Variants in STARD10 observed in about 807,000 individuals in gnomAD.
STARD10 encodes the protein StAR related lipid transfer domain containing 10, also known as START domain-containing protein 10.
A neutral mutation model predicts 36.0 loss-of-function variants in STARD10; 24 were observed. That is an observed-to-expected ratio of 0.67 (90% CI 0.48 to 0.94). The LOEUF (loss-of-function observed/expected upper bound fraction) is 0.94, where lower values mean the gene tolerates loss of function less well. Among genes scored for constraint, STARD10 ranks in the 40% least tolerant of loss-of-function variants. STARD10 has a pLI of 0.00. For missense variants in STARD10, 335 were observed against 396.6 expected, an observed-to-expected ratio of 0.84 and a Z score of 1.32; for synonymous variants, 156 against 161.9, an observed-to-expected ratio of 0.96 and a Z score of 0.28.
intron 1 of STARD10, among the ~76,000 whole-genome samples, chr11:72,782,736 C>G (rs1482986886): frequency 3.3e-5 from 5 of 152,182 alleles, no homozygotes; most frequent in Admixed American, 2.6e-4. Context: ...GAGGCTCCCC[C>G]CTGCCCCCTG....
chr11:72,785,331 G>A (rs902036505), intron 1 of STARD10, among the ~76,000 whole-genome samples: 5 of 151,690 alleles, frequency 3.3e-5, no homozygotes, highest in Non-Finnish European at 5.9e-5. Flanking sequence ...TTGGGAGGCC[G>A]ATACGGGTGG....
intron 4 of STARD10, 79 bp downstream of exon 4, chr11:72,758,451 G>T: frequency 8.7e-7 from 1 of 1,156,004 alleles, no homozygotes; most frequent in Non-Finnish European, 1.3e-6. Context: ...AAGTCATATT[G>T]AAGTCATGGT....
In STARD10 at chr11:72,780,992, T is replaced by C; in HGVS notation, c.190A>G (p.Thr64Ala). 1 of 1,614,106 alleles carries C rather than the reference T, an allele frequency of 6.2e-7. No individual in the cohort carries two copies. The part of the protein sequence containing the change: ...VWVQAVEMDR[T>A]LHKIKCRMEC... ...AACCCTACCTTGATCTTGTGCAGCG[T>C]CCGATCCATCTCCACAGCCTGCACC... The change falls in exon 2 of 7, where the codon ACG becomes GCG. Residue 64 changes from threonine (T) to alanine (A), a missense_variant. Transcript: ENST00000334805.
chr11:72,790,398 T>C (rs1326465619), intron 1 of STARD10: 1 of 152,192 alleles, frequency 6.6e-6, no homozygotes, highest in East Asian at 1.9e-4. Context: ...CCTCTATAAA[T>C]AAGGAGTTTG....
intron 1 of STARD10, among the ~76,000 whole-genome samples, chr11:72,790,916 G>A (rs1460493014): frequency 6.6e-6 from 1 of 152,196 alleles, no homozygotes; most frequent in Non-Finnish European, 1.5e-5. Context: ...CAGACCTGGG[G>A]CTGCTGCTTC....
At chr11:72,758,196 T>C (rs1240022858) in intron 4 of STARD10, among the ~76,000 whole-genome samples, 1 of 152,210 alleles carries the variant, frequency 6.6e-6, no homozygotes, top group African/African-American at 2.4e-5. Flanking sequence ...CTGCCTGTCC[T>C]TGCCCAGGGA....
intron 1 of STARD10, among the ~76,000 whole-genome samples, chr11:72,788,206 G>A (rs1859098335): frequency 1.3e-5 from 2 of 152,194 alleles, no homozygotes; most frequent in South Asian, 4.1e-4. Context: ...TTCTCTCACT[G>A]GGCCTTATTT....
intron 2 of STARD10, 124 bp downstream of exon 2, chr11:72,780,851 G>A (rs1486046028): frequency 9.5e-7 from 1 of 1,047,736 alleles, no homozygotes; most frequent in African/African-American, 1.6e-5. Context: ...CCGGTCCCTG[G>A]AAGGAGACTC....
chr11:72,769,642 C>T (rs953518910), intron 2 of STARD10, among the ~76,000 whole-genome samples: 1 of 152,028 alleles, frequency 6.6e-6, no homozygotes, highest in Non-Finnish European at 1.5e-5. Context: ...CTGCACCCCA[C>T]CAAAAATGTA....
intron 2 of STARD10, among the ~76,000 whole-genome samples, chr11:72,771,391 C>T (rs1037101305): frequency 2.6e-5 from 4 of 152,110 alleles, no homozygotes; most frequent in African/African-American, 9.7e-5. Context: ...TGCAGGGTCT[C>T]CTTGCCCCAT....
intron 2 of STARD10, among the ~76,000 whole-genome samples, chr11:72,770,179 C>T (rs542312140): frequency 3.7e-4 from 56 of 152,254 alleles, no homozygotes; most frequent in African/African-American, 1.3e-3. Flanking sequence ...ATTACTGGTG[C>T]TACAGTATCA....
chr11:72,793,402 A>G lies in STARD10; in HGVS notation c.-641T>C, dbSNP rs1216617571. 1 of 152,270 alleles carries G rather than the reference A, an allele frequency of 6.6e-6. No individual in the cohort carries two copies. Among genetic ancestry groups the G allele is most frequent in the East Asian group, 1.9e-4 (1 of 5,200 alleles). 9.4% of individuals were successfully genotyped at this position (152,270 alleles called of 1,614,324 possible). A position where few individuals can be genotyped will look rare whatever the true frequency, so the allele number is the denominator to read the frequency against. ...AGAAAGCTCAGTTCCCTAAGGGAAC[A>G]AAATTACCCAAAGTCACACAGCAAG... On this transcript the variant is annotated 5_prime_UTR_variant, in exon 1 of 7. Coordinates refer to ENST00000334805, the MANE Select transcript of STARD10 (RefSeq NM_006645.3).
intron 2 of STARD10, among the ~76,000 whole-genome samples, chr11:72,760,358 A>G: frequency 6.6e-6 from 1 of 151,324 alleles, no homozygotes; most frequent in East Asian, 1.9e-4. Context: ...TCCTGAGTAG[A>G]TGGGATTACA....
chr11:72,754,966 G>A lies in STARD10; in HGVS notation c.807C>T (p.Ala269=). 1.9e-6 allele frequency: 3 copies of A among 1,609,974 alleles called. No homozygotes were observed. The highest frequency in any genetic ancestry group is 8.5e-7 in the Non-Finnish European group (1 of 1,179,330). The part of the protein sequence containing the change: ...SLENIDESAV[A]ESREERMGGA... Reference sequence around the variant, plus strand: ...CGCCCATCCGCTCCTCTCTGCTCTCGGCCACCGCGCTCTCGTCGATGTTCT... The same window carrying A: ...CGCCCATCCGCTCCTCTCTGCTCTCAGCCACCGCGCTCTCGTCGATGTTCT... The change falls in exon 7 of 7, where the codon GCC becomes GCT. Residue 269 remains alanine (A), a synonymous_variant. Transcript: ENST00000334805.
chr11:72,772,349 T>C (rs112564001), intron 2 of STARD10, among the ~76,000 whole-genome samples: 210 of 144,418 alleles, frequency 1.5e-3, no homozygotes, highest in African/African-American at 4.8e-3. Context: ...GTGGGCACGG[T>C]TCTCCCTGTG....
At chr11:72,762,253 A>G (rs996193749) in intron 2 of STARD10, among the ~76,000 whole-genome samples, 1 of 151,882 alleles carries the variant, frequency 6.6e-6, no homozygotes, top group Non-Finnish European at 1.5e-5. Flanking sequence ...ATTATCTAAC[A>G]TGTATAGTAC....
intron 6 of STARD10, 59 bp from the exon 7 acceptor site, chr11:72,755,201 C>G (rs541211294): frequency 2.0e-6 from 3 of 1,527,740 alleles, no homozygotes; most frequent in East Asian, 2.4e-5. Context: ...CTTCTCCACA[C>G]CCCCCTCCAG....
In STARD10 at chr11:72,775,533, TC is replaced by T. The variant is rs537341457; in HGVS notation, c.207+5441del. On this transcript the variant is annotated intron_variant, in intron 2 of 6. Coordinates refer to ENST00000334805, the MANE Select transcript of STARD10 (RefSeq NM_006645.3). ...ACAGCTGCTGCTCTGTATGGAATGC[TC>T]CCGACACGATCAAACTTGTAATCTT... Among the ~76,000 whole-genome samples, 762 of 152,222 alleles carry T rather than the reference TC, an allele frequency of 5.0e-3. 7 individuals carry two copies. The highest frequency in any genetic ancestry group is 0.017 in the African/African-American group (726 of 41,526).
intron 1 of STARD10, among the ~76,000 whole-genome samples, chr11:72,783,016 A>T (rs143802922): frequency 1.4e-3 from 219 of 152,278 alleles, no homozygotes; most frequent in African/African-American, 5.0e-3. Flanking sequence ...AGAAAAGGGA[A>T]TCAGAATGGA....
Sources: gnomAD v4.1 joint callset for allele counts (sites outside exome capture counted in the v4.1 genomes callset) on GRCh38, gnomAD v4.1.1 for gene constraint, MANE v1.5 for transcripts, NCBI Gene and HGNC (gene_info 2026-07-23, HGNC 2026-07-21) for gene names.